PRMT5: variants seen among roughly 807,000 people sequenced by gnomAD.
PRMT5 encodes the protein protein arginine N-methyltransferase 5.
A neutral mutation model predicts 84.0 loss-of-function variants in PRMT5; 15 were observed. The ratio of observed to expected loss-of-function variants is 0.18; its 90% CI spans 0.12 to 0.28. The LOEUF (loss-of-function observed/expected upper bound fraction) is 0.28, where lower values mean the gene tolerates loss of function less well. Ranked by LOEUF, PRMT5 falls within the 10% of genes least tolerant of loss-of-function variation. The probability of loss-of-function intolerance (pLI) is 1.00; values close to 1 mark genes in which losing one functional copy is unlikely to be tolerated. For synonymous variants in PRMT5, 276 were observed against 292.4 expected (o/e 0.94, Z 0.57); for missense variants, 486 against 808.0 (o/e 0.60, Z 4.83).
rs1161863126 is a variant in PRMT5 at position 22,926,252 on chromosome 14, G to A, written c.658C>T (p.Arg220Cys). Residue 220 changes from arginine to cysteine, a missense_variant, in exon 7 of 17, where the codon CGC becomes TGC. Physicochemically the swap from Arg to Cys is radical, Grantham distance 180. This residue lies in a region of PRMT5 where 215 missense variants were observed against 301.1 expected (regional missense o/e 0.71). Coordinates refer to ENST00000324366, the MANE Select transcript of PRMT5 (RefSeq NM_006109.5). ...ADLPSNHVID[R>C]WLGEPIKAAI... ...GCTTTGATGGGCTCCCCAAGCCAGCGATCAATGACATGATTAGATGGGAGG... is the reference window on the plus strand; with the variant it reads ...GCTTTGATGGGCTCCCCAAGCCAGCAATCAATGACATGATTAGATGGGAGG... The A allele has an allele frequency of 1.9e-6, 3 of 1,613,834 alleles. No individual in the cohort carries two copies. The highest frequency in any genetic ancestry group is 8.5e-7 in the Non-Finnish European group (1 of 1,179,848).
At chr14:22,922,149 C>G (rs199549221) in intron 16 of PRMT5, 27 bp downstream of exon 16, 184 of 1,527,144 alleles carry the variant, frequency 1.2e-4, no homozygotes, top group Non-Finnish European at 1.6e-5. Flanking sequence ...TACTGCTTAA[C>G]TAGAGAGTCT....
chr14:22,926,344 C>G (rs2044418507), intron 6 of PRMT5, 48 bp from the exon 7 acceptor site: 1 of 1,606,636 alleles, frequency 6.2e-7, no homozygotes, highest in Non-Finnish European at 8.5e-7. Flanking sequence ...GGCAAGAAAC[C>G]CTTCCTTGCT....
At position 22,921,052 on chromosome 14, in the gene PRMT5, G is replaced by A; in HGVS notation, c.1766C>T (p.Pro589Leu). The change falls in exon 17 of 17, where the codon CCC (proline) becomes CTC (leucine). Residue 589 changes from proline to leucine, a missense_variant. Physicochemically the swap from Pro to Leu is moderately conservative, Grantham distance 98. Transcript: ENST00000324366. ...GGTTTGGCCTTCACGTACCGTTATG[G>A]GCTGCTGTAAGAAGAAAGACAGGAA... is the stretch of plus-strand genomic sequence containing the variant. ...WFPILFPIKQ[P>L]ITVREGQTIC... The A allele has an allele frequency of 1.2e-6, 2 of 1,614,082 alleles. No individual in the cohort carries two copies. The highest frequency in any genetic ancestry group is 1.7e-6 in the Non-Finnish European group (2 of 1,180,026).
At chr14:22,929,173 T>C (rs767161848) in intron 1 of PRMT5, 79 bp downstream of exon 1, 4 of 1,614,078 alleles carry the variant, frequency 2.5e-6, no homozygotes, top group Non-Finnish European at 3.4e-6. Context: ...TCACCCCTGC[T>C]TCTCCGGGAT....
rs1444362149 is a variant in PRMT5, at chr14:22,924,078, C to G, written c.1305G>C (p.Glu435Asp). The change falls in exon 12 of 17, where the codon GAG (glutamate) becomes GAC (aspartate). Residue 435 changes from glutamate (E) to aspartate (D), a missense_variant. Transcript: ENST00000324366. This position sits in a 1 kb window ranked among gnomAD's most constrained non-coding sequence, Gnocchi z 6.5. ...CATTGTCAGCAAATGAGCCCAGAAG[C>G]TCACTGACAATGATGTCTGCTTTCT... ...APEKADIIVS[E>D]LLGSFADNEL... The G allele has an allele frequency of 6.2e-7, 1 of 1,613,220 alleles. No homozygotes were observed. The highest frequency in any genetic ancestry group is 2.2e-5 in the East Asian group (1 of 44,884).
chr14:22,927,272 GT>G (rs2044443351), intron 4 of PRMT5, among the ~76,000 whole-genome samples: 2 of 151,220 alleles, frequency 1.3e-5, no homozygotes, highest in Non-Finnish European at 3.0e-5. Flanking sequence ...TTTTGTTTTT[GT>G]TTTGGTTTTG....
At position 22,921,033 on chromosome 14, in the gene PRMT5, G is replaced by A. The variant is rs750181960; in HGVS notation, c.1785C>T (p.Gly595=). The A allele has an allele frequency of 6.2e-7, 1 of 1,614,212 alleles. No homozygotes were observed. Among genetic ancestry groups the A allele is most frequent in the Non-Finnish European group, 8.5e-7 (1 of 1,180,042 alleles). The change falls in exon 17 of 17, where the codon GGC becomes GGT. Residue 595 remains glycine, a synonymous_variant. Coordinates refer to ENST00000324366, the MANE Select transcript of PRMT5 (RefSeq NM_006109.5). ...PIKQPITVRE[G]QTICVRFWRC... ...GCCAGAAACGCACACAGATGGTTTG[G>A]CCTTCACGTACCGTTATGGGCTGCT...
At chr14:22,926,634 A>G (rs2044425394) in intron 5 of PRMT5, 68 bp downstream of exon 5, 1 of 1,602,242 alleles carries the variant, frequency 6.2e-7, no homozygotes, top group Admixed American at 1.7e-5. Context: ...ACCTCCCTAC[A>G]GGTTGCACCC....
At position 22,920,756 on chromosome 14, in the gene PRMT5, C is replaced by T. The variant is rs992538665; in HGVS notation, c.*148G>A. ...CCTGCAATTAATTATAATCCCTTGCCCACCTTGATGTAAGGCAGGAAAGCA... is the reference window on the plus strand; with the variant it reads ...CCTGCAATTAATTATAATCCCTTGCTCACCTTGATGTAAGGCAGGAAAGCA... On this transcript the variant is annotated 3_prime_UTR_variant, in exon 17 of 17. Transcript: ENST00000324366. The T allele has an allele frequency of 1.7e-6, 2 of 1,180,260 alleles. No homozygotes were observed. Among genetic ancestry groups the T allele is most frequent in the African/African-American group, 3.0e-5 (2 of 66,302 alleles). 73.1% of individuals were successfully genotyped at this position (1,180,260 alleles called of 1,614,324 possible). A position where few individuals can be genotyped will look rare whatever the true frequency, so the allele number is the denominator to read the frequency against.
chr14:22,921,059 G>T lies in PRMT5; in HGVS notation c.1762-3C>A. 1 of 1,614,030 alleles carries T rather than the reference G, an allele frequency of 6.2e-7. No individual in the cohort carries two copies. The highest frequency in any genetic ancestry group is 8.5e-7 in the Non-Finnish European group (1 of 1,180,030). ...CCTTCACGTACCGTTATGGGCTGCT[G>T]TAAGAAGAAAGACAGGAAGGTTCAG... is the stretch of plus-strand genomic sequence containing the variant. On this transcript the variant is annotated splice_polypyrimidine_tract_variant and splice_region_variant and intron_variant, in intron 16 of 16. Coordinates refer to ENST00000324366, the MANE Select transcript of PRMT5 (RefSeq NM_006109.5).
chr14:22,924,540 G>A lies in PRMT5; in HGVS notation c.1018-3C>T. The A allele has an allele frequency of 6.2e-7, 1 of 1,613,926 alleles. No homozygotes were observed. Among genetic ancestry groups the A allele is most frequent in the East Asian group, 2.2e-5 (1 of 44,872 alleles). The stretch of plus-strand genomic sequence containing the variant: ...TCTAGCAGACATTTATAGATGGCCT[G>A]GAGGGAGGAGAGAATATCCCATGGT... On this transcript the variant is annotated splice_region_variant and splice_polypyrimidine_tract_variant and intron_variant, in intron 9 of 16. Transcript: ENST00000324366. This position sits in a 1 kb window ranked among gnomAD's most constrained non-coding sequence, Gnocchi z 6.5.
At chr14:22,926,590 A>G in intron 5 of PRMT5, 35 bp from the exon 6 acceptor site, 1 of 1,613,302 alleles carries the variant, frequency 6.2e-7, no homozygotes, top group African/African-American at 1.3e-5. Context: ...ACAGTAAACT[A>G]GATATGGCCG....
At chr14:22,922,137 G>A (rs1444474736) in intron 16 of PRMT5, 39 bp downstream of exon 16, 1 of 1,498,480 alleles carries the variant, frequency 6.7e-7, no homozygotes, top group African/African-American at 1.4e-5. Context: ...AAAGGCAAAG[G>A]TTACTGCTTA....
chr14:22,922,348 A>G (rs1594510366), intron 15 of PRMT5, 95 bp downstream of exon 15: 1 of 1,407,262 alleles, frequency 7.1e-7, no homozygotes, highest in Middle Eastern at 1.8e-4. Context: ...TTCATTGAGC[A>G]CTGGGCCCCC....
At chr14:22,925,163 TTTTA>T in intron 7 of PRMT5, 123 bp from the exon 8 acceptor site, 41 of 1,096,910 alleles carry the variant, frequency 3.7e-5, no homozygotes, top group East Asian at 5.7e-5. Context: ...TTTTTTTTTT[TTTTA>T]AAAAAAAAGA....
intron 7 of PRMT5, among the ~76,000 whole-genome samples, 169 bp downstream of exon 7, chr14:22,925,964 G>A (rs113202983): frequency 6.6e-4 from 101 of 152,242 alleles, no homozygotes; most frequent in African/African-American, 2.2e-3. Flanking sequence ...AAGGTTTCTA[G>A]GGCTACTACT....
At chr14:22,921,107 G>A (rs377638559) in intron 16 of PRMT5, 51 bp from the exon 17 acceptor site, 1 of 1,592,914 alleles carries the variant, frequency 6.3e-7, no homozygotes. Flanking sequence ...AATTATACAT[G>A]GCAATGTATT....
At chr14:22,921,374 C>A (rs1319588801) in intron 16 of PRMT5, among the ~76,000 whole-genome samples, 2 of 152,060 alleles carry the variant, frequency 1.3e-5, no homozygotes, top group East Asian at 3.9e-4. Flanking sequence ...AAGAACTCTA[C>A]AGGCAAGAGA....
Position 22,924,990 on chromosome 14 carries a change from C to T in PRMT5, c.828G>A (p.Glu276=). 1 of 1,614,088 alleles carries T rather than the reference C, an allele frequency of 6.2e-7. No individual in the cohort carries two copies. The highest frequency in any genetic ancestry group is 8.5e-7 in the Non-Finnish European group (1 of 1,180,028). The change falls in exon 8 of 17, where the codon GAG becomes GAA. Residue 276 remains glutamate, a synonymous_variant. Transcript: ENST00000324366. The surrounding 1 kb of genome is among the most constrained non-coding windows in gnomAD (Gnocchi z 6.5). ...CCAGGTATTGGAGGTAGGAGCAGAACTCCTTCTCTGAGTGGTGGTTGGTGC... is the reference window on the plus strand; with the variant it reads ...CCAGGTATTGGAGGTAGGAGCAGAATTCCTTCTCTGAGTGGTGGTTGGTGC... ...ITGTNHHSEK[E]FCSYLQYLEY...
Sources: allele counts gnomAD v4.1 joint callset (sites outside exome capture counted in the v4.1 genomes callset), GRCh38; gene constraint gnomAD v4.1.1; regional missense constraint gnomAD v4.1.1; non-coding constraint Gnocchi (gnomAD v3.1); transcripts MANE v1.5; gene names NCBI Gene and HGNC (gene_info 2026-07-23, HGNC 2026-07-21).